MTRR: variants seen among roughly 807,000 people sequenced by gnomAD.
MTRR encodes 5-methyltetrahydrofolate-homocysteine methyltransferase reductase, also known as methionine synthase reductase.
Under a neutral mutation model 79.2 loss-of-function variants are expected in MTRR, and 63 were observed. The ratio of observed to expected loss-of-function variants is 0.80; its 90% CI spans 0.65 to 0.98. The LOEUF (loss-of-function observed/expected upper bound fraction) is 0.98. Among genes scored for constraint, MTRR ranks in the 50% least tolerant of loss-of-function variants. The pLI is 0.00. For synonymous variants in MTRR, 355 were observed against 313.3 expected (o/e 1.13, Z -1.41); for missense variants, 895 against 839.6 (o/e 1.07, Z -0.82).
Position 7,893,203 on chromosome 5 carries a change from G to C in MTRR, c.1557+290G>C, listed in dbSNP as rs963191201. The C allele has an allele frequency of 1.2e-5, 5 of 413,448 alleles. No homozygotes were observed. In the East Asian group the frequency reaches 2.7e-4, roughly 22 times the overall value. 25.6% of individuals were successfully genotyped at this position (413,448 alleles called of 1,614,324 possible). A position where few individuals can be genotyped will look rare whatever the true frequency, so the allele number is the denominator to read the frequency against. The stretch of plus-strand genomic sequence containing the variant: ...TTATGTTGATATTCTTGGTACATTG[G>C]CCTGGGGAGGGGTGGAGAACTGTCT... On this transcript the variant is annotated intron_variant, in intron 11 of 14. Transcript: ENST00000440940.
intron 9 of MTRR, chr5:7,890,454 T>C (rs935022453): frequency 1.1e-4 from 104 of 963,286 alleles, no homozygotes; most frequent in Non-Finnish European, 1.2e-4. Context: ...TCTTATCGCA[T>C]ACTAATTTAT....
At chr5:7,873,238 C>A in intron 2 of MTRR, 135 bp from the exon 3 acceptor site, 1 of 1,049,822 alleles carries the variant, frequency 9.5e-7, no homozygotes, top group Non-Finnish European at 1.5e-6. Context: ...AGTCACTGGA[C>A]TGGTCGTCTC....
chr5:7,877,901 A>G (rs1426425496), intron 4 of MTRR, 43 bp from the exon 5 acceptor site: 1 of 1,605,272 alleles, frequency 6.2e-7, no homozygotes, highest in Admixed American at 1.7e-5. Flanking sequence ...CAGATGGAGA[A>G]CTTAGGCATT....
At position 7,869,210 on chromosome 5, in the gene MTRR, G is replaced by C. The variant is rs765348828; in HGVS notation, c.-31G>C. 1 of 1,606,984 alleles carries C rather than the reference G, an allele frequency of 6.2e-7. No individual in the cohort carries two copies. The highest frequency in any genetic ancestry group is 8.5e-7 in the Non-Finnish European group (1 of 1,179,768). ...TGCAGGTTCGTGCCCGGCTGGCGCGGCGTGGGTAAGCTGCCTGTCGGCTAC... is the reference window on the plus strand; with the variant it reads ...TGCAGGTTCGTGCCCGGCTGGCGCGCCGTGGGTAAGCTGCCTGTCGGCTAC... On this transcript the variant is annotated 5_prime_UTR_variant, in exon 1 of 15. Transcript: ENST00000440940.
chr5:7,880,041 C>G (rs922119477), intron 5 of MTRR, among the ~76,000 whole-genome samples: 2 of 152,236 alleles, frequency 1.3e-5, no homozygotes, highest in Non-Finnish European at 2.9e-5. Context: ...ACAAGGTGCA[C>G]TAGTGTGGCC....
upstream of MTRR, chr5:7,868,872 G>C (rs1412345588): frequency 3.6e-5 from 20 of 558,928 alleles, no homozygotes; most frequent in Non-Finnish European, 6.5e-6. Flanking sequence ...GCGCCCCGGG[G>C]ACCTGCGCTG....
intron 1 of MTRR, chr5:7,859,367 T>C: frequency 1.1e-6 from 1 of 947,406 alleles, no homozygotes; most frequent in Admixed American, 2.5e-5. Context: ...TCACATTATA[T>C]TTTTCTTTTA....
At chr5:7,856,247 T>C (rs751226381) in intron 1 of MTRR, among the ~76,000 whole-genome samples, 1 of 152,228 alleles carries the variant, frequency 6.6e-6, no homozygotes, top group Non-Finnish European at 1.5e-5. Context: ...GATTGGCCCA[T>C]GTGGCTCAGC....
At position 7,885,910 on chromosome 5, in the gene MTRR, A is replaced by C. The variant is rs1049166933; in HGVS notation, c.1057+56A>C. The C allele has an allele frequency of 1.3e-5, 21 of 1,609,548 alleles. 1 individual carries two copies. In the Admixed American group the frequency reaches 2.0e-4, roughly 15 times the overall value. ...GTTGTGGGCCAGTGGACTGGAGCTG[A>C]TGGTGAGAGTGTGGCTCTAAGGTTC... On this transcript the variant is annotated intron_variant, in intron 7 of 14. Coordinates refer to ENST00000440940, the MANE Select transcript of MTRR (RefSeq NM_002454.3).
At chr5:7,869,095 G>A (rs1458284719), upstream of MTRR, 4 of 1,609,190 alleles carry the variant, frequency 2.5e-6, no homozygotes, top group East Asian at 4.5e-5. Context: ...ATTGGCCCAG[G>A]TCCCCTTCGG....
chr5:7,858,935 A>G (rs1190912183), intron 1 of MTRR, among the ~76,000 whole-genome samples: 1 of 152,174 alleles, frequency 6.6e-6, no homozygotes, highest in Non-Finnish European at 1.5e-5. Context: ...ATTAAAAAAA[A>G]GTTTCCATAC....
intron 9 of MTRR, chr5:7,890,480 A>C (rs1579769775): frequency 1.1e-6 from 1 of 918,184 alleles, no homozygotes. Flanking sequence ...TTCTTTTCGT[A>C]GATTTTTTGT....
rs563172997 is a variant in MTRR at position 7,882,949 on chromosome 5, G to A, written c.781-206G>A. On this transcript the variant is annotated intron_variant, in intron 5 of 14. Coordinates refer to ENST00000440940, the MANE Select transcript of MTRR (RefSeq NM_002454.3). ...CTATTTGTATTTCAGAAATTCTAAT[G>A]TCTAATAGATAAAGCGTTTGAGATA... is the stretch of plus-strand genomic sequence containing the variant. Among the ~76,000 whole-genome samples, 9 of 152,228 alleles carry A rather than the reference G, an allele frequency of 5.9e-5. No homozygotes were observed. In the East Asian group the frequency reaches 1.5e-3, roughly 26 times the overall value.
chr5:7,864,423 A>G (rs1369776474), upstream of MTRR, among the ~76,000 whole-genome samples: 1 of 152,196 alleles, frequency 6.6e-6, no homozygotes, highest in Non-Finnish European at 1.5e-5. Flanking sequence ...AAGTCATAAA[A>G]GACAGATTCG....
intron 9 of MTRR, among the ~76,000 whole-genome samples, chr5:7,889,633 T>G (rs2126774828): frequency 6.6e-6 from 1 of 152,342 alleles, no homozygotes; most frequent in South Asian, 2.1e-4. Flanking sequence ...TCAGAAAGGT[T>G]GTTTAGCTAA....
intron 3 of MTRR, 41 bp downstream of exon 3, chr5:7,873,567 TGA>T: frequency 1.1e-5 from 18 of 1,601,848 alleles, no homozygotes; most frequent in Non-Finnish European, 1.2e-5. Context: ...AGTATACTAT[TGA>T]TATCTCTGGT....
Position 7,885,784 on chromosome 5 carries a change from A to G in MTRR, c.987A>G (p.Gln329=). The G allele has an allele frequency of 6.2e-7, 1 of 1,614,140 alleles. No homozygotes were observed. Residue 329 remains glutamine, a synonymous_variant, in exon 7 of 15, where the codon CAA becomes CAG. Transcript: ENST00000440940. ...NSDSEVQSLL[Q]RLQLEDKREH... ...ATTCTGAGGTACAAAGCCTACTCCA[A>G]AGACTGCAGCTTGAAGATAAAAGAG... is the stretch of plus-strand genomic sequence containing the variant.
intron 9 of MTRR, among the ~76,000 whole-genome samples, chr5:7,889,534 C>T (rs1400972080): frequency 3.3e-5 from 5 of 152,096 alleles, no homozygotes; most frequent in African/African-American, 4.8e-5. Context: ...TTCCTTCCAG[C>T]AGTGTCACTA....
At chr5:7,867,861 G>T (rs1747132315), upstream of MTRR, 1 of 1,614,036 alleles carries the variant, frequency 6.2e-7, no homozygotes, top group Non-Finnish European at 8.5e-7. Context: ...CCACCGAGTG[G>T]ATGAAGGTCA....
Sources: allele counts gnomAD v4.1 joint callset (sites outside exome capture counted in the v4.1 genomes callset), GRCh38; gene constraint gnomAD v4.1.1; transcripts MANE v1.5; gene names NCBI Gene and HGNC (gene_info 2026-07-23, HGNC 2026-07-21).